The following LRFN2 variants were observed in gnomAD, a reference collection of about 807,000 sequenced individuals.
The protein encoded by LRFN2 is leucine-rich repeat and fibronectin type-III domain-containing protein 2.
Under a neutral mutation model 37.3 loss-of-function variants are expected in LRFN2, and 18 were observed. The ratio of observed to expected loss-of-function variants is 0.48; its 90% CI spans 0.33 to 0.72. The LOEUF (loss-of-function observed/expected upper bound fraction) is 0.72. Ranked by LOEUF, LRFN2 falls within the 30% of genes least tolerant of loss-of-function variation. LRFN2 has a pLI of 0.02. For missense variants in LRFN2, 1,006 were observed against 1,060.7 expected, an observed-to-expected ratio of 0.95 and a Z score of 0.72; for synonymous variants, 556 against 466.6, an observed-to-expected ratio of 1.19 and a Z score of -2.47.
Position 40,406,873 on chromosome 6 carries a change from C to T in LRFN2, c.1401-13961G>A, listed in dbSNP as rs374387344. ...TTTCTAGTTTGCTGGCAGGCTGCCC[C>T]GTCTGATCATACCTGATCACATGTC... On this transcript the variant is annotated intron_variant, in intron 2 of 2. Transcript: ENST00000338305. Among the ~76,000 whole-genome samples the T allele has an allele frequency of 7.6e-4, 116 of 152,336 alleles. 1 individual carries two copies. The highest frequency in any genetic ancestry group is 2.4e-3 in the African/African-American group (100 of 41,576).
intron 1 of LRFN2, among the ~76,000 whole-genome samples, chr6:40,524,158 G>A (rs1380645148): frequency 6.6e-6 from 1 of 152,208 alleles, no homozygotes; most frequent in Non-Finnish European, 1.5e-5. Context: ...CAGAGGGAGA[G>A]ATTTTAAAAA....
At chr6:40,463,618 A>G (rs943700900) in intron 1 of LRFN2, among the ~76,000 whole-genome samples, 1 of 135,394 alleles carries the variant, frequency 7.4e-6, no homozygotes, top group Non-Finnish European at 1.6e-5. Context: ...TACTTACTCC[A>G]CTCCATGTTC....
chr6:40,549,948 C>T (rs760118149), intron 1 of LRFN2, among the ~76,000 whole-genome samples: 2 of 152,080 alleles, frequency 1.3e-5, no homozygotes, highest in Non-Finnish European at 2.9e-5. Context: ...GCAGGAGATT[C>T]GCTTGAACCC....
intron 1 of LRFN2, among the ~76,000 whole-genome samples, chr6:40,497,816 C>A (rs537356451): frequency 1.3e-5 from 2 of 152,224 alleles, no homozygotes; most frequent in Admixed American, 6.5e-5. Flanking sequence ...CCCCAGGAAG[C>A]AAGGATGATC....
At chr6:40,487,099 A>C (rs1196506463) in intron 1 of LRFN2, among the ~76,000 whole-genome samples, 1 of 152,112 alleles carries the variant, frequency 6.6e-6, no homozygotes, top group African/African-American at 2.4e-5. Context: ...TGAGGACATG[A>C]ACCAATGTGT....
At chr6:40,475,216 A>G in intron 1 of LRFN2, among the ~76,000 whole-genome samples, 1 of 152,216 alleles carries the variant, frequency 6.6e-6, no homozygotes, top group East Asian at 1.9e-4. Context: ...CTGAAGTACA[A>G]CAAAGGACAA....
chr6:40,532,006 G>T, intron 1 of LRFN2, among the ~76,000 whole-genome samples: 1 of 152,314 alleles, frequency 6.6e-6, no homozygotes, highest in South Asian at 2.1e-4. Context: ...TCAGGTGTCC[G>T]CACAGTTCCT....
At chr6:40,455,090 T>G (rs1343949494) in intron 1 of LRFN2, among the ~76,000 whole-genome samples, 1 of 152,262 alleles carries the variant, frequency 6.6e-6, no homozygotes, top group Non-Finnish European at 1.5e-5. Context: ...GCTTTTATAA[T>G]AAGAAGAAAC....
At chr6:40,426,947 C>T (rs1197481178) in intron 2 of LRFN2, among the ~76,000 whole-genome samples, 1 of 152,198 alleles carries the variant, frequency 6.6e-6, no homozygotes, top group Non-Finnish European at 1.5e-5. Context: ...ATTAGCGCAA[C>T]TAAAAATGAC....
Position 40,523,505 on chromosome 6 carries a change from A to ATTTTTTTTTTTTTTT in LRFN2, c.-19+63421_-19+63435dup, listed in dbSNP as rs751179915. Among the ~76,000 whole-genome samples, 2 of 129,314 alleles carry ATTTTTTTTTTTTTTT rather than the reference A, an allele frequency of 1.5e-5. 1 individual carries two copies. Among genetic ancestry groups the ATTTTTTTTTTTTTTT allele is most frequent in the African/African-American group, 5.6e-5 (2 of 35,904 alleles). 84.8% of individuals were successfully genotyped at this position (129,314 alleles called of 152,430 possible). On this transcript the variant is annotated intron_variant, in intron 1 of 2. Coordinates refer to ENST00000338305, the MANE Select transcript of LRFN2 (RefSeq NM_020737.3). Reference sequence around the variant, plus strand: ...TAGGACCCTAAAGCATCTTTAGGTGATTTTTTTTTTTTTTTTTTTTTTTTT... The same window carrying ATTTTTTTTTTTTTTT: ...TAGGACCCTAAAGCATCTTTAGGTGATTTTTTTTTTTTTTTTTTTTTTTTTTTTTTTTTTTTTTTT...
chr6:40,528,214 T>C (rs1766289538), intron 1 of LRFN2, among the ~76,000 whole-genome samples: 2 of 152,222 alleles, frequency 1.3e-5, no homozygotes, highest in Non-Finnish European at 2.9e-5. Flanking sequence ...AAATCACATG[T>C]CCTCCCTAAC....
At chr6:40,464,296 A>G (rs1028253590) in intron 1 of LRFN2, among the ~76,000 whole-genome samples, 3 of 152,184 alleles carry the variant, frequency 2.0e-5, no homozygotes, top group Non-Finnish European at 4.4e-5. Context: ...TAGCAGTGCT[A>G]TGGTTTGAAT....
intron 1 of LRFN2, among the ~76,000 whole-genome samples, chr6:40,515,292 A>G (rs1273091156): frequency 6.6e-6 from 1 of 152,196 alleles, no homozygotes; most frequent in Non-Finnish European, 1.5e-5. Flanking sequence ...TGCATGTTGA[A>G]AAGACCTCCA....
chr6:40,446,882 GGGCTTCCT>G (rs1264244963), intron 1 of LRFN2, among the ~76,000 whole-genome samples: 18 of 33,530 alleles, frequency 5.4e-4, no homozygotes, highest in Non-Finnish European at 1.5e-3. Flanking sequence ...CCTCAGACTG[GGGCTTCCT>G]GAGGATGGAG....
intron 1 of LRFN2, among the ~76,000 whole-genome samples, chr6:40,501,986 T>A (rs949013885): frequency 1.3e-5 from 2 of 152,170 alleles, no homozygotes; most frequent in South Asian, 2.1e-4. Flanking sequence ...CCAAGCCCAG[T>A]GGAGACCCAG....
At chr6:40,568,695 C>CCTTCCTTCCTTT (rs1767134716) in intron 1 of LRFN2, among the ~76,000 whole-genome samples, 1 of 148,414 alleles carries the variant, frequency 6.7e-6, no homozygotes, top group Admixed American at 6.7e-5. Context: ...TTCCTTCCTT[C>CCTTCCTTCCTTT]CTTCCTTCCT....
intron 2 of LRFN2, among the ~76,000 whole-genome samples, chr6:40,413,707 G>A (rs376704254): frequency 2.0e-5 from 3 of 152,188 alleles, no homozygotes; most frequent in African/African-American, 4.8e-5. Context: ...TGAAGCAGCC[G>A]AGGCTCCCCT....
At chr6:40,529,535 G>A (rs540769254) in intron 1 of LRFN2, among the ~76,000 whole-genome samples, 1 of 152,326 alleles carries the variant, frequency 6.6e-6, no homozygotes, top group South Asian at 2.1e-4. Context: ...TAAATCTGCT[G>A]CCAAGCCATC....
At chr6:40,509,005 A>G (rs1335936934) in intron 1 of LRFN2, among the ~76,000 whole-genome samples, 2 of 152,220 alleles carry the variant, frequency 1.3e-5, no homozygotes, top group African/African-American at 4.8e-5. Flanking sequence ...TATGGCAACC[A>G]GTGGGGCCTA....
Sources: gnomAD v4.1 joint callset for allele counts (sites outside exome capture counted in the v4.1 genomes callset) on GRCh38, gnomAD v4.1.1 for gene constraint, MANE v1.5 for transcripts, NCBI Gene and HGNC (gene_info 2026-07-23, HGNC 2026-07-21) for gene names.